Variants in C1QTNF7 observed in about 807,000 individuals in gnomAD.
The protein encoded by C1QTNF7 is complement C1q tumor necrosis factor-related protein 7.
C1QTNF7 carries 15 observed loss-of-function variants against 19.6 expected under a neutral mutation model. That is an observed-to-expected ratio of 0.76 (90% CI 0.51 to 1.18). The LOEUF (loss-of-function observed/expected upper bound fraction) is 1.18. C1QTNF7 is among the 50% of genes most tolerant of loss of function. The probability of loss-of-function intolerance (pLI) is 0.00; values close to 1 mark genes in which losing one functional copy is unlikely to be tolerated. For synonymous variants in C1QTNF7, 142 were observed against 137.5 expected (o/e 1.03, Z -0.23); for missense variants, 324 against 359.7 (o/e 0.90, Z 0.80).
At chr4:15,344,900 T>A (rs924056255) in intron 1 of C1QTNF7, among the ~76,000 whole-genome samples, 4 of 152,240 alleles carry the variant, frequency 2.6e-5, no homozygotes, top group African/African-American at 9.6e-5. Context: ...TGAGAACTTT[T>A]TCTGCAGTTT....
intron 1 of C1QTNF7, among the ~76,000 whole-genome samples, chr4:15,417,129 T>G (rs2108922152): frequency 6.6e-6 from 1 of 152,356 alleles, no homozygotes; most frequent in East Asian, 1.9e-4. Context: ...GTGCATTTCA[T>G]TCCCATGTAT....
intron 1 of C1QTNF7, among the ~76,000 whole-genome samples, chr4:15,431,801 T>C (rs965608014): frequency 2.6e-5 from 4 of 152,188 alleles, no homozygotes; most frequent in Non-Finnish European, 5.9e-5. Context: ...ATCCCTGCCC[T>C]CATGTAGCTT....
At chr4:15,374,120 C>A (rs1424382228) in intron 1 of C1QTNF7, 2 of 152,236 alleles carry the variant, frequency 1.3e-5, no homozygotes, top group African/African-American at 4.8e-5. Flanking sequence ...CCTCCACCTC[C>A]CTACAGTGGA....
chr4:15,364,970 G>T (rs920646615), intron 1 of C1QTNF7, among the ~76,000 whole-genome samples: 13 of 152,108 alleles, frequency 8.5e-5, no homozygotes, highest in Non-Finnish European at 1.6e-4. Context: ...ACCAAAACTG[G>T]AGTACTTTTG....
At chr4:15,407,446 C>T (rs1046739762) in intron 1 of C1QTNF7, among the ~76,000 whole-genome samples, 6 of 152,184 alleles carry the variant, frequency 3.9e-5, no homozygotes, top group African/African-American at 1.4e-4. Flanking sequence ...ACTCCAAAGA[C>T]CTGGCTTGTT....
chr4:15,441,312 C>G lies in C1QTNF7; in HGVS notation c.239-856C>G, dbSNP rs529742330. 4.6e-5 allele frequency among the ~76,000 whole-genome samples: 7 copies of G among 152,306 alleles called. No homozygotes were observed. The South Asian group carries it at 6.2e-4, about 14-fold the overall frequency. ...ATTTGCAATGAAAGTAATAATAATT[C>G]TGAGTTCATAAAGTCACTGTGAAAC... On this transcript the variant is annotated intron_variant, in intron 2 of 2. Transcript: ENST00000444304.
At chr4:15,418,623 T>C (rs1417244768) in intron 1 of C1QTNF7, among the ~76,000 whole-genome samples, 1 of 152,204 alleles carries the variant, frequency 6.6e-6, no homozygotes, top group African/African-American at 2.4e-5. Context: ...TTTCAATCTC[T>C]TTCACCAACC....
chr4:15,433,031 T>C (rs1712390239), intron 1 of C1QTNF7, among the ~76,000 whole-genome samples: 1 of 152,160 alleles, frequency 6.6e-6, no homozygotes, highest in African/African-American at 2.4e-5. Context: ...ATAGTTAGGC[T>C]TTCACACCTG....
intron 1 of C1QTNF7, among the ~76,000 whole-genome samples, chr4:15,419,317 G>GA (rs1215924414): frequency 1.3e-5 from 2 of 152,146 alleles, no homozygotes; most frequent in Non-Finnish European, 2.9e-5. Flanking sequence ...TTTATACTAG[G>GA]AAAAAATAGA....
intron 1 of C1QTNF7, among the ~76,000 whole-genome samples, chr4:15,342,123 G>T (rs1465773672): frequency 6.6e-6 from 1 of 152,242 alleles, no homozygotes; most frequent in Non-Finnish European, 1.5e-5. Context: ...GGAAAGGACA[G>T]GTCAGGGTTG....
In C1QTNF7 at chr4:15,415,462, T is replaced by C. The variant is rs138841012; in HGVS notation, c.14-20274T>C. Among the ~76,000 whole-genome samples the C allele has an allele frequency of 6.0e-3, 910 of 152,328 alleles. 14 individuals are homozygous for C. Among genetic ancestry groups the C allele is most frequent in the African/African-American group, 0.021 (866 of 41,574 alleles). On this transcript the variant is annotated intron_variant, in intron 1 of 2. Coordinates refer to the C1QTNF7 transcript ENST00000295297. The stretch of plus-strand genomic sequence containing the variant: ...TTTATGTAGCATTTATTGACTTGTT[T>C]CTAAGACCAAAGGAATATGCTTATT...
At chr4:15,410,281 A>G (rs1400844298) in intron 1 of C1QTNF7, among the ~76,000 whole-genome samples, 1 of 152,208 alleles carries the variant, frequency 6.6e-6, no homozygotes, top group East Asian at 1.9e-4. Context: ...ATATATGGGA[A>G]ATAGAAAGTA....
At chr4:15,362,117 C>T (rs1409152638) in intron 1 of C1QTNF7, among the ~76,000 whole-genome samples, 1 of 152,154 alleles carries the variant, frequency 6.6e-6, no homozygotes, top group Non-Finnish European at 1.5e-5. Flanking sequence ...AAACATAGTA[C>T]CTACACCTCG....
At chr4:15,399,012 T>C (rs1484240082) in intron 1 of C1QTNF7, among the ~76,000 whole-genome samples, 8 of 152,104 alleles carry the variant, frequency 5.3e-5, no homozygotes, top group Admixed American at 5.2e-4. Context: ...CGCAGTGTGT[T>C]TACTGGAGTT....
chr4:15,350,850 G>A (rs540761994), intron 1 of C1QTNF7, among the ~76,000 whole-genome samples: 3 of 152,296 alleles, frequency 2.0e-5, no homozygotes, highest in African/African-American at 7.2e-5. Flanking sequence ...ACTGATTTCA[G>A]GTATTTGAAT....
chr4:15,404,011 CTAA>C (rs1348180591), intron 1 of C1QTNF7, among the ~76,000 whole-genome samples: 4 of 152,100 alleles, frequency 2.6e-5, no homozygotes, highest in Non-Finnish European at 5.9e-5. Context: ...ATATCATGTA[CTAA>C]TAATGTACTT....
Position 15,422,736 on chromosome 4 carries a change from A to T in C1QTNF7, c.14-13000A>T, listed in dbSNP as rs541372065. 3.9e-5 allele frequency among the ~76,000 whole-genome samples: 6 copies of T among 152,156 alleles called. No individual in the cohort carries two copies. The East Asian group carries it at 1.2e-3, about 29-fold the overall frequency. On this transcript the variant is annotated intron_variant, in intron 1 of 2. Transcript: ENST00000295297. ...CCTCCCACCTCAGCCTTCTGAGTAG[A>T]TGTGCCTATACATGCACTCCAGCAA...
intron 1 of C1QTNF7, among the ~76,000 whole-genome samples, chr4:15,389,367 G>T (rs1389162165): frequency 6.6e-6 from 1 of 152,146 alleles, no homozygotes; most frequent in Non-Finnish European, 1.5e-5. Flanking sequence ...ACCATGACAG[G>T]TCTGTGGCTT....
chr4:15,437,323 C>T (rs186854628), intron 2 of C1QTNF7, among the ~76,000 whole-genome samples: 55 of 151,688 alleles, frequency 3.6e-4, no homozygotes, highest in African/African-American at 1.3e-3. Flanking sequence ...GGCTCAGTTT[C>T]CTTATTTGTA....
Sources: gnomAD v4.1 joint callset for allele counts (sites outside exome capture counted in the v4.1 genomes callset) on GRCh38, gnomAD v4.1.1 for gene constraint, MANE v1.5 for transcripts, NCBI Gene and HGNC (gene_info 2026-07-23, HGNC 2026-07-21) for gene names.